MAU2: variants seen among roughly 807,000 people sequenced by gnomAD.
The protein encoded by MAU2 is MAU2 sister chromatid cohesion factor.
MAU2 carries 9 observed loss-of-function variants against 89.1 expected under a neutral mutation model. The ratio of observed to expected loss-of-function variants is 0.10; its 90% confidence interval spans 0.06 to 0.18. The LOEUF (loss-of-function observed/expected upper bound fraction) is 0.18, where lower values mean the gene tolerates loss of function less well. MAU2 is among the 10% of genes least tolerant of loss of function. MAU2 has a pLI of 1.00. For missense variants in MAU2, 425 were observed against 803.5 expected (o/e 0.53, Z 5.69); for synonymous variants, 357 against 343.4 (o/e 1.04, Z -0.44).
At position 19,355,779 on chromosome 19, in the gene MAU2, G is replaced by A. The variant is rs767951722; in HGVS notation, c.1839G>A (p.Leu613=). ...NGPNTSLASL[L] Reference sequence around the variant, plus strand: ...CCAACACCAGCCTGGCCAGCCTCCTGTGAGGCCTTGATGGGGCCATCCAGC... The same window carrying A: ...CCAACACCAGCCTGGCCAGCCTCCTATGAGGCCTTGATGGGGCCATCCAGC... The change falls in exon 19 of 19, where the codon CTG becomes CTA. Residue 613 remains leucine (L), a synonymous_variant. Transcript: ENST00000262815. The A allele has an allele frequency of 5.6e-6, 9 of 1,606,466 alleles. No homozygotes were observed. Among genetic ancestry groups the A allele is most frequent in the Middle Eastern group, 1.6e-4 (1 of 6,084 alleles).
intron 1 of MAU2, among the ~76,000 whole-genome samples, chr19:19,326,722 A>ATATATATATGTATATATG (rs1491317910): frequency 2.6e-5 from 1 of 38,560 alleles, no homozygotes; most frequent in African/African-American, 6.1e-5. Flanking sequence ...ATATATATAC[A>ATATATATATGTATATATG]TATATATATA....
At chr19:19,354,700 CTT>C (rs2048157674) in intron 17 of MAU2, 1 of 529,882 alleles carries the variant, frequency 1.9e-6, no homozygotes, top group African/African-American at 1.9e-5. Flanking sequence ...ATCTGGTAGA[CTT>C]GGGCTGTTAG....
chr19:19,341,436 G>A (rs1045924773), intron 7 of MAU2, 29 bp downstream of exon 7: 3 of 1,611,732 alleles, frequency 1.9e-6, no homozygotes, highest in Admixed American at 1.7e-5. Context: ...GCGAGCTGCT[G>A]GTTGTGACCA....
Position 19,320,882 on chromosome 19 carries a change from C to T in MAU2, c.23C>T (p.Ala8Val), listed in dbSNP as rs936890203. 2.0e-6 allele frequency: 3 copies of T among 1,472,316 alleles called. No homozygotes were observed. In the South Asian group the frequency reaches 3.8e-5, roughly 19 times the overall value. The allele number at this position is 1,472,316 out of a possible 1,614,324, so 91.2% of individuals were successfully genotyped here. MAAQAAA[A>V]AQAAAAQAAQ... ...AAAATGGCGGCTCAGGCGGCGGCAG[C>T]GGCCCAGGCGGCGGCGGCCCAGGCT... Residue 8 changes from alanine to valine, a missense_variant, in exon 1 of 19, where the codon GCG (alanine) becomes GTG (valine). Ala to Val is a moderately conservative substitution (Grantham distance 64, BLOSUM62 0). Coordinates refer to ENST00000262815, the MANE Select transcript of MAU2 (RefSeq NM_015329.4).
chr19:19,351,837 ATTTTTTTTTTT>A (rs35932608), intron 16 of MAU2, among the ~76,000 whole-genome samples: 33 of 58,956 alleles, frequency 5.6e-4, no homozygotes, highest in Middle Eastern at 0.012. Flanking sequence ...CTGTTTGGTA[ATTTTTTTTTTT>A]TTTTTTTTTT....
intron 17 of MAU2, 173 bp downstream of exon 17, chr19:19,354,618 G>C: frequency 4.8e-6 from 3 of 630,096 alleles, no homozygotes. Flanking sequence ...GAGGGCAGTG[G>C]GTGCATTTGT....
intron 14 of MAU2, 47 bp downstream of exon 14, chr19:19,348,985 G>A: frequency 6.2e-7 from 1 of 1,603,116 alleles, no homozygotes; most frequent in Non-Finnish European, 8.5e-7. Flanking sequence ...GGCTCCCCGT[G>A]CTCTTTGGTT....
intron 17 of MAU2, among the ~76,000 whole-genome samples, chr19:19,354,858 C>T (rs867057030): frequency 2.0e-5 from 3 of 152,092 alleles, no homozygotes; most frequent in African/African-American, 4.8e-5. Context: ...TTCCAGATTA[C>T]GAAACTAAGG....
intron 1 of MAU2, among the ~76,000 whole-genome samples, chr19:19,322,555 A>G (rs1326729169): frequency 6.6e-6 from 1 of 152,180 alleles, no homozygotes; most frequent in East Asian, 1.9e-4. Context: ...AGCAGTGATC[A>G]CGCCACTTCA....
At chr19:19,341,498 G>C (rs1599911587) in intron 7 of MAU2, 91 bp downstream of exon 7, 2 of 1,486,976 alleles carry the variant, frequency 1.3e-6, no homozygotes, top group African/African-American at 2.8e-5. Flanking sequence ...GAGGTCAGCT[G>C]TGTCATCGCC....
chr19:19,346,346 C>T (rs2061692822), intron 12 of MAU2, among the ~76,000 whole-genome samples: 1 of 152,116 alleles, frequency 6.6e-6, no homozygotes, highest in Admixed American at 6.6e-5. Context: ...CAAGTGGTTG[C>T]TATTGCTGGT....
At chr19:19,354,968 G>A (rs144205410) in intron 17 of MAU2, among the ~76,000 whole-genome samples, 5 of 152,182 alleles carry the variant, frequency 3.3e-5, no homozygotes, top group African/African-American at 7.2e-5. Flanking sequence ...GGCATTGGGC[G>A]TCCTGCCCCA....
At chr19:19,336,835 G>T (rs2061600312) in intron 3 of MAU2, among the ~76,000 whole-genome samples, 1 of 152,208 alleles carries the variant, frequency 6.6e-6, no homozygotes, top group South Asian at 2.1e-4. Context: ...GGGAATGTGT[G>T]TGCTTCACAC....
chr19:19,324,589 T>A (rs2061489226), intron 1 of MAU2, among the ~76,000 whole-genome samples: 1 of 152,228 alleles, frequency 6.6e-6, no homozygotes, highest in African/African-American at 2.4e-5. Flanking sequence ...CAGCCCTGTC[T>A]AGGAGAAGCA....
At chr19:19,347,219 C>A in intron 12 of MAU2, 61 bp from the exon 13 acceptor site, 1 of 1,016,804 alleles carries the variant, frequency 9.8e-7, no homozygotes. Context: ...GGTGCTCTGA[C>A]ACTGCCACAT....
intron 14 of MAU2, 48 bp from the exon 15 acceptor site, chr19:19,349,107 C>T: frequency 6.2e-7 from 1 of 1,608,786 alleles, no homozygotes; most frequent in Non-Finnish European, 8.5e-7. Flanking sequence ...TTTTGTAAAC[C>T]TGCTTCTCAA....
At chr19:19,331,568 G>A (rs1235951736) in intron 1 of MAU2, among the ~76,000 whole-genome samples, 1 of 151,870 alleles carries the variant, frequency 6.6e-6, no homozygotes, top group Non-Finnish European at 1.5e-5. Context: ...CTTTATTTGT[G>A]AGATGGATAT....
At chr19:19,325,825 A>G (rs997565050) in intron 1 of MAU2, among the ~76,000 whole-genome samples, 1 of 152,192 alleles carries the variant, frequency 6.6e-6, no homozygotes. Flanking sequence ...ATAAGTGCTT[A>G]GGTAAAACCT....
At chr19:19,325,406 C>T (rs183090318) in intron 1 of MAU2, among the ~76,000 whole-genome samples, 24 of 152,222 alleles carry the variant, frequency 1.6e-4, no homozygotes, top group African/African-American at 5.5e-4. Flanking sequence ...GAACTCCTGA[C>T]GTCAGGTGAT....
Sources: gnomAD v4.1 joint callset for allele counts (sites outside exome capture counted in the v4.1 genomes callset) on GRCh38, gnomAD v4.1.1 for gene constraint, MANE v1.5 for transcripts, NCBI Gene and HGNC (gene_info 2026-07-23, HGNC 2026-07-21) for gene names.